PRKN: variants seen among roughly 807,000 people sequenced by gnomAD.
PRKN encodes the protein E3 ubiquitin-protein ligase parkin.
A neutral mutation model predicts 59.5 loss-of-function variants in PRKN; 56 were observed. The ratio of observed to expected loss-of-function variants is 0.94; its 90% CI spans 0.76 to 1.18. The LOEUF (loss-of-function observed/expected upper bound fraction) is 1.18, where lower values mean the gene tolerates loss of function less well. Ranked by LOEUF, PRKN falls within the 50% of genes most tolerant of loss-of-function variation. The probability of loss-of-function intolerance (pLI) is 0.00; values close to 1 mark genes in which losing one functional copy is unlikely to be tolerated. For synonymous variants in PRKN, 250 were observed against 222.1 expected, an observed-to-expected ratio of 1.13 and a Z score of -1.12; for missense variants, 657 against 596.4, an observed-to-expected ratio of 1.10 and a Z score of -1.06.
chr6:162,009,436 A>C (rs905601025), intron 5 of PRKN, among the ~76,000 whole-genome samples: 1 of 151,912 alleles, frequency 6.6e-6, no homozygotes, highest in African/African-American at 2.4e-5. Context: ...ATTTCAGCAA[A>C]ATGAAAAAAC....
intron 2 of PRKN, among the ~76,000 whole-genome samples, chr6:162,431,814 T>C (rs1213360791): frequency 1.3e-5 from 2 of 152,202 alleles, no homozygotes; most frequent in Admixed American, 1.3e-4. Context: ...TATCAACAAA[T>C]GTATTATATT....
chr6:162,038,685 G>GTAAA (rs1429644301), intron 5 of PRKN, among the ~76,000 whole-genome samples: 3 of 152,174 alleles, frequency 2.0e-5, no homozygotes, highest in Non-Finnish European at 4.4e-5. Flanking sequence ...AAAATCATTT[G>GTAAA]TAAATATGTC....
At chr6:162,324,071 G>C (rs1783159112) in intron 2 of PRKN, among the ~76,000 whole-genome samples, 1 of 152,048 alleles carries the variant, frequency 6.6e-6, no homozygotes, top group African/African-American at 2.4e-5. Flanking sequence ...CTAGTGTGTA[G>C]ATTTACCACA....
At position 162,238,381 on chromosome 6, in the gene PRKN, CACA is replaced by C. The variant is rs1231722153; in HGVS notation, c.412+24141_412+24143del. On this transcript the variant is annotated intron_variant, in intron 3 of 11. Transcript: ENST00000366898. ...GTGTAAGTATACTCTATGTTGTTTG[CACA>C]ACAAGAAGATTGTCTAACCATGTGT... is the stretch of plus-strand genomic sequence containing the variant. Among the ~76,000 whole-genome samples, 5 of 152,104 alleles carry C rather than the reference CACA, an allele frequency of 3.3e-5. 1 individual carries two copies. Among genetic ancestry groups the C allele is most frequent in the Non-Finnish European group, 5.9e-5 (4 of 68,040 alleles).
intron 4 of PRKN, among the ~76,000 whole-genome samples, chr6:162,163,291 C>A (rs1407758519): frequency 6.7e-6 from 1 of 149,166 alleles, no homozygotes; most frequent in African/African-American, 2.5e-5. Context: ...GGAATTATGC[C>A]AAACACATTT....
intron 4 of PRKN, among the ~76,000 whole-genome samples, chr6:162,174,782 T>C (rs1006715698): frequency 2.0e-5 from 3 of 152,216 alleles, no homozygotes; most frequent in African/African-American, 4.8e-5. Flanking sequence ...CCTAATCCAA[T>C]TGGTGTTTTA....
chr6:162,236,649 A>G (rs4709584), intron 3 of PRKN, among the ~76,000 whole-genome samples: 74,226 of 151,008 alleles, frequency 0.49, 21,251 homozygotes, highest in East Asian at 0.86. Flanking sequence ...AAAAAAATTA[A>G]CTGGGCATGA....
intron 6 of PRKN, among the ~76,000 whole-genome samples, chr6:161,943,527 T>G (rs1779642202): frequency 6.6e-6 from 1 of 152,256 alleles, no homozygotes; most frequent in African/African-American, 2.4e-5. Flanking sequence ...TTTTATGCTT[T>G]AAAGAAGTTT....
rs577066913 is a variant in PRKN at position 161,859,120 on chromosome 6, C to T, written c.735-73212G>A. On this transcript the variant is annotated intron_variant, in intron 6 of 11. Transcript: ENST00000366898. ...CCTGACCTCAAGTGATCCACCACCT[C>T]GGCCTTCCAAAGTGCTGGGATTACA... Among the ~76,000 whole-genome samples, 16 of 151,636 alleles carry T rather than the reference C, an allele frequency of 1.1e-4. No individual in the cohort carries two copies. In the South Asian group the frequency reaches 3.1e-3, roughly 30 times the overall value.
At chr6:162,450,370 G>GTGAATGTAAACGCCCCTA (rs1790550596) in intron 1 of PRKN, among the ~76,000 whole-genome samples, 1 of 95,052 alleles carries the variant, frequency 1.1e-5, no homozygotes, top group African/African-American at 3.3e-5. Context: ...AAACGCCCCT[G>GTGAATGTAAACGCCCCTA]TGATTGTAAT....
At chr6:162,483,318 TTG>T (rs1334876293) in intron 1 of PRKN, among the ~76,000 whole-genome samples, 21 of 152,180 alleles carry the variant, frequency 1.4e-4, no homozygotes, top group Non-Finnish European at 5.9e-5. Context: ...TGCGATTGTT[TTG>T]TGTCTTATGT....
chr6:162,497,526 A>T (rs1283844650), intron 1 of PRKN, among the ~76,000 whole-genome samples: 1 of 152,116 alleles, frequency 6.6e-6, no homozygotes, highest in Non-Finnish European at 1.5e-5. Context: ...GCACTGTTGG[A>T]CTCAAACGCC....
At chr6:161,774,889 A>G (rs2128204018) in intron 7 of PRKN, among the ~76,000 whole-genome samples, 1 of 152,348 alleles carries the variant, frequency 6.6e-6, no homozygotes, top group African/African-American at 2.4e-5. Flanking sequence ...TCCGAAGCTT[A>G]GGAAGTTTGA....
intron 2 of PRKN, among the ~76,000 whole-genome samples, chr6:162,328,633 T>C (rs2128124094): frequency 6.6e-6 from 1 of 152,114 alleles, no homozygotes; most frequent in Non-Finnish European, 1.5e-5. Context: ...GACAAACGAA[T>C]AAAGGAAGAA....
intron 6 of PRKN, among the ~76,000 whole-genome samples, chr6:161,806,243 C>A (rs1258985205): frequency 6.6e-6 from 1 of 152,190 alleles, no homozygotes; most frequent in African/African-American, 2.4e-5. Flanking sequence ...AAGCAGCCTG[C>A]CCATCTGCAG....
Position 161,552,889 on chromosome 6 carries a change from C to G in PRKN, c.934-3886G>C, listed in dbSNP as rs1422054216. On this transcript the variant is annotated intron_variant, in intron 8 of 11. Transcript: ENST00000366898. The surrounding 1 kb of genome is among the most constrained non-coding windows in gnomAD (Gnocchi z 4.9). ...CACTGCAACCTTCATCTCTTGGGTTCAAGCGATTCTCCTGCCTCAGCCTCC... is the reference window on the plus strand; with the variant it reads ...CACTGCAACCTTCATCTCTTGGGTTGAAGCGATTCTCCTGCCTCAGCCTCC... Among the ~76,000 whole-genome samples, 1 of 150,114 alleles carries G rather than the reference C, an allele frequency of 6.7e-6. No individual in the cohort carries two copies.
rs532552378 is a variant in PRKN at position 161,861,363 on chromosome 6, G to C, written c.735-75455C>G. The stretch of plus-strand genomic sequence containing the variant: ...CAATGCATGTTCTCACTCATAAATG[G>C]GAGTTGAACAATGAGAACACATGGA... On this transcript the variant is annotated intron_variant, in intron 6 of 11. Transcript: ENST00000366898. Among the ~76,000 whole-genome samples, 603 of 152,210 alleles carry C rather than the reference G, an allele frequency of 4.0e-3. 2 individuals are homozygous for C. Among genetic ancestry groups the C allele is most frequent in the African/African-American group, 0.014 (565 of 41,526 alleles).
chr6:162,061,629 T>C (rs1483144369), intron 4 of PRKN, among the ~76,000 whole-genome samples: 4 of 152,062 alleles, frequency 2.6e-5, no homozygotes, highest in Admixed American at 2.6e-4. Context: ...GATTTAAAGA[T>C]CCTACACTGT....
chr6:161,569,293 A>G (rs531360422), intron 8 of PRKN, 62 bp downstream of exon 8: 1 of 1,493,128 alleles, frequency 6.7e-7, no homozygotes, highest in South Asian at 1.1e-5. Flanking sequence ...GGGAGCCCAA[A>G]CTGTCTCATT....
Sources: gnomAD v4.1 joint callset for allele counts (sites outside exome capture counted in the v4.1 genomes callset) on GRCh38, gnomAD v4.1.1 for gene constraint, Gnocchi (gnomAD v3.1) non-coding constraint, MANE v1.5 for transcripts, NCBI Gene and HGNC (gene_info 2026-07-23, HGNC 2026-07-21) for gene names.